SUPT3H: variants seen among roughly 807,000 people sequenced by gnomAD.
SUPT3H encodes transcription initiation protein SPT3 homolog.
A neutral mutation model predicts 44.3 loss-of-function variants in SUPT3H; 44 were observed. The observed-to-expected ratio is 0.99, with a 90% CI of 0.78 to 1.28. SUPT3H has a LOEUF of 1.28. SUPT3H is among the 50% of genes most tolerant of loss of function. The pLI is 0.00. For synonymous variants in SUPT3H, 124 were observed against 125.6 expected (o/e 0.99, Z 0.09); for missense variants, 380 against 387.1 (o/e 0.98, Z 0.15).
intron 10 of SUPT3H, among the ~76,000 whole-genome samples, chr6:44,903,403 C>T (rs1373903335): frequency 6.6e-6 from 1 of 152,172 alleles, no homozygotes. Context: ...CTATAAACAC[C>T]TCTACGCAAA....
intron 10 of SUPT3H, among the ~76,000 whole-genome samples, chr6:44,914,013 C>G (rs1767444441): frequency 6.9e-6 from 1 of 144,082 alleles, no homozygotes; most frequent in African/African-American, 2.5e-5. Flanking sequence ...CATCAAGTAC[C>G]ATTACAAAGA....
At chr6:44,967,822 C>T (rs1776982723) in intron 6 of SUPT3H, among the ~76,000 whole-genome samples, 2 of 152,268 alleles carry the variant, frequency 1.3e-5, no homozygotes, top group South Asian at 2.1e-4. Context: ...CAGGGTCTTG[C>T]TCTGTCACCC....
At chr6:45,271,315 G>A (rs543351930) in intron 2 of SUPT3H, among the ~76,000 whole-genome samples, 3 of 152,308 alleles carry the variant, frequency 2.0e-5, no homozygotes, top group African/African-American at 7.2e-5. Context: ...AGTTCCAGAG[G>A]CCTAGGAGGA....
At chr6:45,220,676 T>C (rs1765883679) in intron 2 of SUPT3H, among the ~76,000 whole-genome samples, 1 of 151,990 alleles carries the variant, frequency 6.6e-6, no homozygotes, top group Non-Finnish European at 1.5e-5. Context: ...GCATAGAAAA[T>C]CACAAAGAAT....
intron 3 of SUPT3H, among the ~76,000 whole-genome samples, chr6:45,063,290 C>T (rs1267231609): frequency 6.7e-6 from 1 of 148,628 alleles, no homozygotes; most frequent in African/African-American, 2.5e-5. Flanking sequence ...GAAAGGACAT[C>T]CACACCGAAA....
intron 10 of SUPT3H, among the ~76,000 whole-genome samples, chr6:44,838,348 A>G (rs542886067): frequency 1.3e-5 from 2 of 152,198 alleles, no homozygotes; most frequent in South Asian, 4.2e-4. Context: ...GCTGAGGGGG[A>G]AGACACATAC....
chr6:44,953,265 G>A (rs1416213942), intron 9 of SUPT3H, 45 bp downstream of exon 9: 1 of 1,469,794 alleles, frequency 6.8e-7, no homozygotes, highest in Non-Finnish European at 9.5e-7. Flanking sequence ...CCAGATATGT[G>A]TCAAAATTCA....
At chr6:45,252,255 T>C (rs115767999) in intron 2 of SUPT3H, among the ~76,000 whole-genome samples, 3 of 152,292 alleles carry the variant, frequency 2.0e-5, no homozygotes, top group African/African-American at 7.2e-5. Context: ...AAGGTCACAG[T>C]TCATGAGAGA....
At chr6:45,264,381 T>C (rs956958307) in intron 2 of SUPT3H, among the ~76,000 whole-genome samples, 6 of 152,248 alleles carry the variant, frequency 3.9e-5, no homozygotes, top group African/African-American at 1.4e-4. Flanking sequence ...GAAAACTGGC[T>C]GGGCACGGTG....
In SUPT3H at chr6:45,158,294, A is replaced by AT. The variant is rs1554266490; in HGVS notation, c.102-52289dup. Among the ~76,000 whole-genome samples the AT allele has an allele frequency of 1.6e-3, 48 of 30,530 alleles. 1 individual carries two copies. Among genetic ancestry groups the AT allele is most frequent in the Middle Eastern group, 0.013 (1 of 78 alleles). 20.0% of individuals were successfully genotyped at this position (30,530 alleles called of 152,430 possible). Reference sequence around the variant, plus strand: ...AATATACATATATATATATATATATATATATTTTTTTTTTTTTTTTTTTGA... The same window carrying AT: ...AATATACATATATATATATATATATATTATATTTTTTTTTTTTTTTTTTTGA... On this transcript the variant is annotated intron_variant, in intron 2 of 10. Transcript: ENST00000371459.
At chr6:44,987,021 G>A (rs530994727) in intron 6 of SUPT3H, among the ~76,000 whole-genome samples, 7 of 152,100 alleles carry the variant, frequency 4.6e-5, no homozygotes, top group South Asian at 2.1e-4. Context: ...TATTTCTCCC[G>A]GTTCTGAAGG....
rs192398525 is a variant in SUPT3H, at chr6:45,346,536, C to G, written c.101+18665G>C. Among the ~76,000 whole-genome samples, 17 of 151,518 alleles carry G rather than the reference C, an allele frequency of 1.1e-4. No homozygotes were observed. The East Asian group carries it at 3.3e-3, about 29-fold the overall frequency. ...CTTTTCACATCATCTAGCCAAATGC[C>G]TGGCATATAATAGGAATTCAATAAA... is the stretch of plus-strand genomic sequence containing the variant. On this transcript the variant is annotated intron_variant, in intron 2 of 10. Transcript: ENST00000371459.
intron 2 of SUPT3H, among the ~76,000 whole-genome samples, chr6:45,137,223 T>C (rs934524852): frequency 6.6e-6 from 1 of 152,086 alleles, no homozygotes; most frequent in Admixed American, 6.6e-5. Flanking sequence ...GAGAATGTGT[T>C]GCTAGAGGAC....
chr6:45,269,368 A>G (rs934036770), intron 2 of SUPT3H, among the ~76,000 whole-genome samples: 32 of 152,226 alleles, frequency 2.1e-4, no homozygotes, highest in Non-Finnish European at 3.8e-4. Context: ...TATTTAGAAC[A>G]TATTTTAGAA....
intron 2 of SUPT3H, among the ~76,000 whole-genome samples, chr6:45,335,311 A>C (rs948010764): frequency 1.1e-4 from 17 of 151,300 alleles, no homozygotes; most frequent in African/African-American, 4.1e-4. Context: ...ATGTGAATTT[A>C]CTTTGAAGCT....
chr6:45,124,085 T>C (rs1802060216), intron 2 of SUPT3H, among the ~76,000 whole-genome samples: 1 of 152,144 alleles, frequency 6.6e-6, no homozygotes, highest in African/African-American at 2.4e-5. Context: ...TAAGAGTGAC[T>C]AGTAGCTGAC....
intron 5 of SUPT3H, 135 bp downstream of exon 5, chr6:45,014,666 A>T (rs1352649823): frequency 4.1e-6 from 2 of 483,032 alleles, no homozygotes; most frequent in Non-Finnish European, 7.2e-6. Context: ...TACTTTTGCA[A>T]GGGTATTCCA....
At chr6:44,821,619 C>G (rs753806528) in intron 11 of SUPT3H, among the ~76,000 whole-genome samples, 11 of 152,050 alleles carry the variant, frequency 7.2e-5, no homozygotes, top group Non-Finnish European at 1.5e-4. Context: ...TATTTATTGT[C>G]TGGGATTGAA....
intron 2 of SUPT3H, among the ~76,000 whole-genome samples, chr6:45,118,368 A>G (rs1307492067): frequency 6.6e-6 from 1 of 152,100 alleles, no homozygotes; most frequent in Non-Finnish European, 1.5e-5. Flanking sequence ...AATAGGCAAT[A>G]CCAGGCAATT....
Sources: allele counts gnomAD v4.1 joint callset (sites outside exome capture counted in the v4.1 genomes callset), GRCh38; gene constraint gnomAD v4.1.1; transcripts MANE v1.5; gene names NCBI Gene and HGNC (gene_info 2026-07-23, HGNC 2026-07-21).